PRKAR1B: variants seen among roughly 807,000 people sequenced by gnomAD.
PRKAR1B encodes protein kinase cAMP-dependent type I regulatory subunit beta.
A neutral mutation model predicts 46.5 loss-of-function variants in PRKAR1B; 22 were observed. The observed-to-expected ratio is 0.47, with a 90% CI of 0.34 to 0.68. PRKAR1B has a LOEUF of 0.68. Among genes scored for constraint, PRKAR1B ranks in the 30% least tolerant of loss-of-function variants. The pLI, the probability that PRKAR1B is intolerant of heterozygous loss-of-function variation, is 0.01. For missense variants in PRKAR1B, 445 were observed against 535.6 expected, an observed-to-expected ratio of 0.83 and a Z score of 1.67; for synonymous variants, 259 against 217.7, an observed-to-expected ratio of 1.19 and a Z score of -1.67.
rs114104381 is a variant in PRKAR1B at position 693,987 on chromosome 7, C to T, written c.178-13261G>A. ...TGGGATGTACTGCCTTTGCGATAAC[C>T]GCGAGACCTGGACTCGGCCGGGCGT... On this transcript the variant is annotated intron_variant, in intron 2 of 10. Transcript: ENST00000537384. Among the ~76,000 whole-genome samples, 1,249 of 152,220 alleles carry T rather than the reference C, an allele frequency of 8.2e-3. 7 individuals carry two copies. The highest frequency in any genetic ancestry group is 0.014 in the Middle Eastern group (4 of 294).
chr7:642,672 C>A (rs1339341556), intron 4 of PRKAR1B, among the ~76,000 whole-genome samples: 15 of 150,420 alleles, frequency 1.0e-4, no homozygotes, highest in Non-Finnish European at 1.6e-4. Context: ...TTGCAGTGAG[C>A]CAGTGAGCCG....
chr7:566,308 A>ATCACCATATTCACCAAC (rs1321136129), intron 9 of PRKAR1B, among the ~76,000 whole-genome samples: 3 of 151,168 alleles, frequency 2.0e-5, no homozygotes, highest in African/African-American at 7.3e-5. Flanking sequence ...CACCATCATC[A>ATCACCATATTCACCAAC]TCACCATATT....
intron 2 of PRKAR1B, among the ~76,000 whole-genome samples, chr7:700,570 T>C (rs185750850): frequency 1.3e-5 from 2 of 152,162 alleles, no homozygotes; most frequent in Non-Finnish European, 2.9e-5. Context: ...GATTATCAGG[T>C]TAACACTCTA....
chr7:677,093 C>T (rs117843029), intron 4 of PRKAR1B, 136 bp downstream of exon 4: 71,405 of 814,400 alleles, frequency 0.088, 3,934 homozygotes, highest in Middle Eastern at 0.17. Context: ...GATTCCCAGG[C>T]GAGCAACGGG....
chr7:710,358 G>A (rs1347161445), intron 2 of PRKAR1B, among the ~76,000 whole-genome samples: 1 of 152,180 alleles, frequency 6.6e-6, no homozygotes, highest in Non-Finnish European at 1.5e-5. Context: ...ACAAGGACAG[G>A]AGGAGCCCAC....
intron 2 of PRKAR1B, among the ~76,000 whole-genome samples, chr7:707,180 C>G (rs1317682043): frequency 6.6e-6 from 1 of 152,208 alleles, no homozygotes; most frequent in Non-Finnish European, 1.5e-5. Context: ...GAATTCTTCC[C>G]AGTTAAACGC....
At chr7:638,143 CA>C (rs1189372799) in intron 4 of PRKAR1B, among the ~76,000 whole-genome samples, 1 of 152,264 alleles carries the variant, frequency 6.6e-6, no homozygotes, top group Non-Finnish European at 1.5e-5. Context: ...ACTTAATAAA[CA>C]CCTTGGAATG....
In PRKAR1B at chr7:714,039, G is replaced by A. The variant is rs951135723; in HGVS notation, c.-22-2512C>T. On this transcript the variant is annotated intron_variant, in intron 1 of 10. Transcript: ENST00000537384. This position sits in a 1 kb window ranked among gnomAD's most constrained non-coding sequence, Gnocchi z 4.3. ...CAGCCCTGGCCTGCCTGGAGCTGCT[G>A]CTGACCAGCAGTACCATCACGTGCT... is the stretch of plus-strand genomic sequence containing the variant. 1.3e-5 allele frequency among the ~76,000 whole-genome samples: 2 copies of A among 152,186 alleles called. No homozygotes were observed. The highest frequency in any genetic ancestry group is 2.4e-5 in the African/African-American group (1 of 41,446).
At chr7:563,891 G>A (rs1778974193) in intron 9 of PRKAR1B, among the ~76,000 whole-genome samples, 1 of 152,050 alleles carries the variant, frequency 6.6e-6, no homozygotes, top group African/African-American at 2.4e-5. Flanking sequence ...GTGTATATGT[G>A]CATGTGTGCA....
intron 4 of PRKAR1B, among the ~76,000 whole-genome samples, chr7:623,909 C>G (rs544270249): frequency 6.6e-6 from 1 of 152,224 alleles, no homozygotes. Context: ...AGTGTCCGCT[C>G]TACCCTGTGG....
chr7:727,141 C>T lies in PRKAR1B; in HGVS notation c.-23+69G>A, dbSNP rs1583468117. 11 of 1,240,612 alleles carry T rather than the reference C, an allele frequency of 8.9e-6. No homozygotes were observed. The highest frequency in any genetic ancestry group is 3.2e-5 in the African/African-American group (2 of 62,700). 76.9% of individuals were successfully genotyped at this position (1,240,612 alleles called of 1,614,324 possible). Reference sequence around the variant, plus strand: ...CCGCCCGCCCGAGGCCTGTGAGGAGCTGCGCCTGGCGCTTGTGCAGCTGCT... The same window carrying T: ...CCGCCCGCCCGAGGCCTGTGAGGAGTTGCGCCTGGCGCTTGTGCAGCTGCT... On this transcript the variant is annotated intron_variant, in intron 1 of 10. Coordinates refer to ENST00000537384, the MANE Select transcript of PRKAR1B (RefSeq NM_001164760.2).
At chr7:609,704 C>A (rs923328803) in intron 4 of PRKAR1B, among the ~76,000 whole-genome samples, 1 of 152,228 alleles carries the variant, frequency 6.6e-6, no homozygotes, top group Non-Finnish European at 1.5e-5. Flanking sequence ...AAACATAAAT[C>A]TGGAAGCTTC....
intron 4 of PRKAR1B, among the ~76,000 whole-genome samples, chr7:634,770 G>A (rs550672455): frequency 7.9e-5 from 12 of 151,996 alleles, no homozygotes; most frequent in South Asian, 4.2e-4. Context: ...CTCCCGAGTA[G>A]CTGGGATTAC....
At chr7:563,211 G>C (rs751293650) in intron 9 of PRKAR1B, among the ~76,000 whole-genome samples, 3 of 152,126 alleles carry the variant, frequency 2.0e-5, no homozygotes, top group Non-Finnish European at 4.4e-5. Context: ...CTGATGCCCC[G>C]TGCCCTCGGC....
chr7:616,653 G>T (rs892755210), intron 4 of PRKAR1B, among the ~76,000 whole-genome samples: 1 of 152,192 alleles, frequency 6.6e-6, no homozygotes, highest in Non-Finnish European at 1.5e-5. Context: ...TTTGGCTGAG[G>T]GTCCGTCGGC....
Position 704,934 on chromosome 7 carries a change from T to C in PRKAR1B, c.177+6395A>G, listed in dbSNP as rs552006698. On this transcript the variant is annotated intron_variant, in intron 2 of 10. Coordinates refer to ENST00000537384, the MANE Select transcript of PRKAR1B (RefSeq NM_001164760.2). ...ACAGACACTTCACCAAAGAAGATATTTGAGTGGAAAATAAGCGTATGAAAA... is the reference window on the plus strand; with the variant it reads ...ACAGACACTTCACCAAAGAAGATATCTGAGTGGAAAATAAGCGTATGAAAA... Among the ~76,000 whole-genome samples, 154 of 152,144 alleles carry C rather than the reference T, an allele frequency of 1.0e-3. 1 individual carries two copies. The highest frequency in any genetic ancestry group is 3.4e-3 in the Middle Eastern group (1 of 292).
At chr7:564,916 G>T (rs1000211634) in intron 9 of PRKAR1B, among the ~76,000 whole-genome samples, 3 of 152,202 alleles carry the variant, frequency 2.0e-5, no homozygotes, top group Non-Finnish European at 1.5e-5. Flanking sequence ...CCTGAGTGGA[G>T]ATTTATTGAG....
At chr7:645,266 TC>T (rs1784568578) in intron 4 of PRKAR1B, among the ~76,000 whole-genome samples, 1 of 152,122 alleles carries the variant, frequency 6.6e-6, no homozygotes, top group Non-Finnish European at 1.5e-5. Context: ...GCAGGAGGGA[TC>T]CAGGTACAGG....
chr7:553,794 G>T (rs1474013461), intron 9 of PRKAR1B, among the ~76,000 whole-genome samples: 1 of 152,254 alleles, frequency 6.6e-6, no homozygotes, highest in Non-Finnish European at 1.5e-5. Flanking sequence ...GAATCTCCAG[G>T]CACCAACTGG....
Sources: gnomAD v4.1 joint callset for allele counts (sites outside exome capture counted in the v4.1 genomes callset) on GRCh38, gnomAD v4.1.1 for gene constraint, Gnocchi (gnomAD v3.1) non-coding constraint, MANE v1.5 for transcripts, NCBI Gene and HGNC (gene_info 2026-07-23, HGNC 2026-07-21) for gene names.